MYBPC2: variants seen among roughly 807,000 people sequenced by gnomAD.
The protein encoded by MYBPC2 is myosin-binding protein C, fast-type.
In MYBPC2, 122 loss-of-function variants were observed where a neutral mutation model predicts 137.0. The observed-to-expected ratio is 0.89, with a 90% CI of 0.77 to 1.03. MYBPC2 has a LOEUF of 1.03. Ranked by LOEUF, MYBPC2 falls within the 50% of genes least tolerant of loss-of-function variation. The probability of loss-of-function intolerance (pLI) is 0.00; values close to 1 mark genes in which losing one functional copy is unlikely to be tolerated. For missense variants in MYBPC2, 1,500 were observed against 1,534.4 expected (o/e 0.98, Z 0.37); for synonymous variants, 626 against 612.3 (o/e 1.02, Z -0.33).
At chr19:50,438,368 T>C (rs1016049911) in intron 7 of MYBPC2, among the ~76,000 whole-genome samples, 1 of 151,920 alleles carries the variant, frequency 6.6e-6, no homozygotes, top group African/African-American at 2.4e-5. Flanking sequence ...ATGGTACGGA[T>C]GAATGCATGG....
intron 26 of MYBPC2, 106 bp from the exon 27 acceptor site, chr19:50,464,240 G>A: frequency 1.0e-6 from 1 of 991,742 alleles, no homozygotes; most frequent in Non-Finnish European, 1.5e-6. Flanking sequence ...CATCTGGCAA[G>A]AGGGTGGCAG....
In MYBPC2 at chr19:50,455,704, A is replaced by G. The variant is rs1382293702; in HGVS notation, c.2338+60A>G. ...GCTAGCACAGGTGGGTATCCAGTCC[A>G]GGGAGCTGAAAATAGGACCATGTGG... On this transcript the variant is annotated intron_variant, in intron 20 of 27. Coordinates refer to ENST00000357701, the MANE Select transcript of MYBPC2 (RefSeq NM_004533.4). The G allele has an allele frequency of 3.8e-6, 6 of 1,591,596 alleles. No homozygotes were observed. In the Admixed American group the frequency reaches 6.8e-5, roughly 18 times the overall value.
At chr19:50,450,336 G>A (rs2039844366) in intron 13 of MYBPC2, among the ~76,000 whole-genome samples, 1 of 151,972 alleles carries the variant, frequency 6.6e-6, no homozygotes. Flanking sequence ...ATAGCTCACT[G>A]CAGCCTTGAC....
intron 11 of MYBPC2, among the ~76,000 whole-genome samples, chr19:50,444,161 TCC>T (rs2039781113): frequency 2.0e-5 from 3 of 148,860 alleles, no homozygotes; most frequent in Admixed American, 2.0e-4. Context: ...CATCCATCCA[TCC>T]ATCCATCCAT....
At chr19:50,464,948 A>T (rs1003009279) in intron 27 of MYBPC2, among the ~76,000 whole-genome samples, 8 of 150,686 alleles carry the variant, frequency 5.3e-5, no homozygotes, top group African/African-American at 2.0e-4. Flanking sequence ...CCATGCTCCC[A>T]CCCACCTGCC....
At chr19:50,443,391 G>C in intron 9 of MYBPC2, 103 bp from the exon 10 acceptor site, 1 of 580,872 alleles carries the variant, frequency 1.7e-6, no homozygotes, top group Non-Finnish European at 2.4e-6. Context: ...ATTTGGCTCT[G>C]AGAGAGAGAG....
chr19:50,455,688 G>T, intron 20 of MYBPC2, 44 bp downstream of exon 20: 2 of 1,605,366 alleles, frequency 1.2e-6, no homozygotes, highest in Non-Finnish European at 1.7e-6. Flanking sequence ...GGCTAGCACA[G>T]GTGGGTATCC....
chr19:50,458,902 G>T lies in MYBPC2; in HGVS notation c.2507-16G>T, dbSNP rs1350628732. On this transcript the variant is annotated splice_polypyrimidine_tract_variant and intron_variant, in intron 21 of 27. Transcript: ENST00000357701. ...CGGCCCCCCGCTGAGCCCCCTCCCTGTGTTTGCGCCCTCAGAGCCACCCAA... is the reference window on the plus strand; with the variant it reads ...CGGCCCCCCGCTGAGCCCCCTCCCTTTGTTTGCGCCCTCAGAGCCACCCAA... 1 of 1,607,074 alleles carries T rather than the reference G, an allele frequency of 6.2e-7. No homozygotes were observed. Among genetic ancestry groups the T allele is most frequent in the African/African-American group, 1.3e-5 (1 of 74,708 alleles).
chr19:50,435,101 G>A lies in MYBPC2; in HGVS notation c.20-60G>A. 1 of 736,276 alleles carries A rather than the reference G, an allele frequency of 1.4e-6. No homozygotes were observed. 45.6% of individuals were successfully genotyped at this position (736,276 alleles called of 1,614,324 possible). A position where few individuals can be genotyped will look rare whatever the true frequency, so the allele number is the denominator to read the frequency against. On this transcript the variant is annotated intron_variant, in intron 1 of 27. Transcript: ENST00000357701. This position sits in a 1 kb window ranked among gnomAD's most constrained non-coding sequence, Gnocchi z 4.8. ...CTGGGGGGTCTGGACTCCTGCGTCT[G>A]AGGGAGGGGCATGGGTGTGCAGACC... is the stretch of plus-strand genomic sequence containing the variant.
Position 50,458,709 on chromosome 19 carries a change from G to T in MYBPC2, c.2461G>T (p.Glu821Ter). The T allele has an allele frequency of 6.2e-7, 1 of 1,609,984 alleles. No individual in the cohort carries two copies. ...TGGGGTCAACATCGCGGGGCGCAGCGAGCCGGCCACCCTGGCCCAGCCGGT... is the reference window on the plus strand; with the variant it reads ...TGGGGTCAACATCGCGGGGCGCAGCTAGCCGGCCACCCTGGCCCAGCCGGT... ...VVGVNIAGRS[E>*]PATLAQPVTI... Residue 821 changes from glutamate (E) to a stop codon, truncating the protein, a stop_gained, in exon 21 of 28, where the codon GAG becomes TAG. Transcript: ENST00000357701. LOFTEE classifies it high-confidence loss of function.
At chr19:50,441,152 C>A in intron 8 of MYBPC2, 76 bp downstream of exon 8, 1 of 1,411,408 alleles carries the variant, frequency 7.1e-7, no homozygotes, top group Non-Finnish European at 9.4e-7. Flanking sequence ...ATGATTGGAC[C>A]CTGGACCTAT....
Position 50,455,531 on chromosome 19 carries a change from A to G in MYBPC2, c.2225A>G (p.His742Arg). The change falls in exon 20 of 28, where the codon CAC becomes CGC. Residue 742 changes from histidine (H) to arginine (R), a missense_variant. Coordinates refer to ENST00000357701, the MANE Select transcript of MYBPC2 (RefSeq NM_004533.4). ...MPIAPTSEPL[H>R]LIVEDVTDTT... Reference sequence around the variant, plus strand: ...GCAGCACCCACGAGTGAACCCCTGCACCTGATAGTGGAGGATGTGACAGAC... The same window carrying G: ...GCAGCACCCACGAGTGAACCCCTGCGCCTGATAGTGGAGGATGTGACAGAC... 1 of 1,613,570 alleles carries G rather than the reference A, an allele frequency of 6.2e-7. No individual in the cohort carries two copies. Among genetic ancestry groups the G allele is most frequent in the Non-Finnish European group, 8.5e-7 (1 of 1,179,794 alleles).
chr19:50,452,855 G>C (rs994171282), intron 16 of MYBPC2, among the ~76,000 whole-genome samples: 2 of 152,046 alleles, frequency 1.3e-5, no homozygotes, highest in African/African-American at 4.8e-5. Flanking sequence ...AACATGCCCA[G>C]CCATATCTAT....
Position 50,466,100 on chromosome 19 carries a change from C to T in MYBPC2, c.3416-95C>T, listed in dbSNP as rs749345120. ...GGCGGGATGGTGACCGTCATCCTGT[C>T]CCCCTGCTGGTCATGTGGATGCAGC... On this transcript the variant is annotated intron_variant, in intron 27 of 27. Coordinates refer to ENST00000357701, the MANE Select transcript of MYBPC2 (RefSeq NM_004533.4). This position sits in a 1 kb window ranked among gnomAD's most constrained non-coding sequence, Gnocchi z 4.9. The T allele has an allele frequency of 2.1e-4, 324 of 1,552,716 alleles. 1 individual carries two copies. Among genetic ancestry groups the T allele is most frequent in the Non-Finnish European group, 2.5e-4 (283 of 1,137,890 alleles).
intron 14 of MYBPC2, 22 bp from the exon 15 acceptor site, chr19:50,451,258 T>C (rs1256081221): frequency 1.2e-6 from 2 of 1,613,332 alleles, no homozygotes; most frequent in Non-Finnish European, 1.7e-6. Flanking sequence ...GACCTAACTG[T>C]CCAGTCTTCT....
intron 7 of MYBPC2, 73 bp downstream of exon 7, chr19:50,437,791 C>A: frequency 6.8e-7 from 1 of 1,479,062 alleles, no homozygotes; most frequent in Non-Finnish European, 9.2e-7. Flanking sequence ...AGCTCCATGG[C>A]CCACTGATTC....
intron 9 of MYBPC2, among the ~76,000 whole-genome samples, 191 bp downstream of exon 9, chr19:50,442,504 C>G (rs984565364): frequency 2.0e-5 from 3 of 152,110 alleles, no homozygotes; most frequent in Non-Finnish European, 4.4e-5. Flanking sequence ...CACCTAAGGT[C>G]AGGGGTTCGA....
At position 50,455,559 on chromosome 19, in the gene MYBPC2, C is replaced by T. The variant is rs781513371; in HGVS notation, c.2253C>T (p.Thr751=). The change falls in exon 20 of 28, where the codon ACC becomes ACT. Residue 751 remains threonine (T), a synonymous_variant. Transcript: ENST00000357701. ...TGATAGTGGAGGATGTGACAGACAC[C>T]ACCACCACACTCAAGTGGAGGCCTC... ...LHLIVEDVTD[T]TTTLKWRPPN... is the part of the protein sequence containing the mutation. The T allele has an allele frequency of 1.2e-6, 2 of 1,613,962 alleles. No homozygotes were observed. The highest frequency in any genetic ancestry group is 1.7e-6 in the Non-Finnish European group (2 of 1,179,884).
At position 50,455,288 on chromosome 19, in the gene MYBPC2, T is replaced by C. The variant is rs2039899270; in HGVS notation, c.2195T>C (p.Met732Thr). 1.9e-6 allele frequency: 3 copies of C among 1,613,166 alleles called. No individual in the cohort carries two copies. Among genetic ancestry groups the C allele is most frequent in the Non-Finnish European group, 2.5e-6 (3 of 1,179,360 alleles). ...SQPSMNTKPFMPIAPTSEPLH... is the reference protein window; with the variant it reads ...SQPSMNTKPFTPIAPTSEPLH... ...CCCAGCATGAACACCAAGCCTTTTA[T>C]GCCTATTGGTAATGTCCTCCCTCAC... The change falls in exon 19 of 28, where the codon ATG becomes ACG. Residue 732 changes from methionine to threonine, a missense_variant. By Grantham distance (81) the Met-to-Thr change is moderately conservative. Transcript: ENST00000357701.
Sources: allele counts gnomAD v4.1 joint callset (sites outside exome capture counted in the v4.1 genomes callset), GRCh38; gene constraint gnomAD v4.1.1; non-coding constraint Gnocchi (gnomAD v3.1); transcripts MANE v1.5; gene names NCBI Gene and HGNC (gene_info 2026-07-23, HGNC 2026-07-21).